Variants in CCDC126 observed in about 807,000 individuals in gnomAD.
The protein encoded by CCDC126 is coiled-coil domain containing 126.
In CCDC126, 5 loss-of-function variants were observed where a neutral mutation model predicts 11.7. That is an observed-to-expected ratio of 0.43 (90% CI 0.22 to 0.90). CCDC126 has a LOEUF of 0.90. Among genes scored for constraint, CCDC126 ranks in the 40% least tolerant of loss-of-function variants. The pLI, the probability that CCDC126 is intolerant of heterozygous loss-of-function variation, is 0.27. For synonymous variants in CCDC126, 60 were observed against 61.9 expected (o/e 0.97, Z 0.14); for missense variants, 150 against 163.1 (o/e 0.92, Z 0.44).
Position 23,611,251 on chromosome 7 carries a change from C to A in CCDC126, c.-65C>A. 1 of 927,346 alleles carries A rather than the reference C, an allele frequency of 1.1e-6. No homozygotes were observed. Among genetic ancestry groups the A allele is most frequent in the South Asian group, 1.5e-5 (1 of 67,824 alleles). 57.4% of individuals were successfully genotyped at this position (927,346 alleles called of 1,614,324 possible). A position where few individuals can be genotyped will look rare whatever the true frequency, so the allele number is the denominator to read the frequency against. ...TATTTTTTTCTTTTTTTTTTCAAGT[C>A]TTGATTTGTGGCTTACCTCAAGTTA... On this transcript the variant is annotated 5_prime_UTR_variant, in exon 3 of 4. Transcript: ENST00000307471.
intron 2 of CCDC126, among the ~76,000 whole-genome samples, chr7:23,610,877 CATT>C (rs1246528025): frequency 6.6e-6 from 1 of 151,900 alleles, no homozygotes; most frequent in East Asian, 1.9e-4. Context: ...CTATATATCT[CATT>C]ATAATATCCA....
At chr7:23,618,798 A>G (rs1217443919) in intron 3 of CCDC126, among the ~76,000 whole-genome samples, 1 of 151,822 alleles carries the variant, frequency 6.6e-6, no homozygotes, top group Non-Finnish European at 1.5e-5. Flanking sequence ...CATGTGATCC[A>G]CCTGCCTCCA....
At chr7:23,636,128 G>C (rs370061368) in intron 3 of CCDC126, among the ~76,000 whole-genome samples, 3 of 152,310 alleles carry the variant, frequency 2.0e-5, no homozygotes, top group South Asian at 4.1e-4. Context: ...GGCCTCCCTA[G>C]GTGCCGGGAT....
intron 3 of CCDC126, among the ~76,000 whole-genome samples, chr7:23,614,100 T>C (rs529782432): frequency 3.9e-5 from 6 of 152,342 alleles, no homozygotes; most frequent in African/African-American, 1.2e-4. Flanking sequence ...GTTTGCCACA[T>C]TGATGGACTC....
intron 3 of CCDC126, among the ~76,000 whole-genome samples, chr7:23,623,121 G>A (rs1408302945): frequency 6.7e-6 from 1 of 149,402 alleles, no homozygotes; most frequent in Non-Finnish European, 1.5e-5. Context: ...TTGCAGGCTC[G>A]CGCCACTATG....
At chr7:23,624,122 T>G (rs1782973552) in intron 3 of CCDC126, among the ~76,000 whole-genome samples, 1 of 152,344 alleles carries the variant, frequency 6.6e-6, no homozygotes, top group Admixed American at 6.5e-5. Context: ...TCAGTTACCA[T>G]TCAGCCCTGG....
intron 3 of CCDC126, among the ~76,000 whole-genome samples, chr7:23,613,688 T>A (rs1782752349): frequency 6.6e-6 from 1 of 152,216 alleles, no homozygotes; most frequent in Non-Finnish European, 1.5e-5. Context: ...TCAGTATTTA[T>A]ACTATTATGA....
At chr7:23,600,304 A>G (rs1782515077) in intron 2 of CCDC126, among the ~76,000 whole-genome samples, 1 of 150,776 alleles carries the variant, frequency 6.6e-6, no homozygotes, top group Non-Finnish European at 1.5e-5. Context: ...ATTTTAGTGT[A>G]GCTTCTCTCA....
At chr7:23,636,181 G>T (rs1783207234) in intron 3 of CCDC126, among the ~76,000 whole-genome samples, 1 of 152,212 alleles carries the variant, frequency 6.6e-6, no homozygotes, top group Non-Finnish European at 1.5e-5. Context: ...TGGTGCCCAG[G>T]CTGGAGTGCA....
At chr7:23,606,664 C>T (rs114446349) in intron 2 of CCDC126, among the ~76,000 whole-genome samples, 2,752 of 152,254 alleles carry the variant, frequency 0.018, 99 homozygotes, top group African/African-American at 0.063. Context: ...GCCATATAGA[C>T]TAATTACTTT....
At chr7:23,623,453 A>C (rs145082578) in intron 3 of CCDC126, among the ~76,000 whole-genome samples, 1 of 152,016 alleles carries the variant, frequency 6.6e-6, no homozygotes, top group Admixed American at 6.6e-5. Context: ...AAAGTTGGCC[A>C]GGTGTGGCGT....
At chr7:23,609,313 A>G (rs1782668967) in intron 2 of CCDC126, among the ~76,000 whole-genome samples, 1 of 151,728 alleles carries the variant, frequency 6.6e-6, no homozygotes, top group Non-Finnish European at 1.5e-5. Flanking sequence ...CCTCCCTAGT[A>G]GCTGGGATTA....
intron 2 of CCDC126, chr7:23,598,538 C>T (rs939264194): frequency 1.8e-4 from 28 of 152,160 alleles, no homozygotes; most frequent in African/African-American, 6.0e-4. Flanking sequence ...TTCACCTCTC[C>T]CCTCCCCCTC....
At chr7:23,622,537 G>T (rs554979567) in intron 3 of CCDC126, 1 of 523,630 alleles carries the variant, frequency 1.9e-6, no homozygotes, top group East Asian at 5.5e-5. Flanking sequence ...TGGACTGTCT[G>T]TATGCCAGGT....
At chr7:23,605,394 T>C (rs1656262831) in intron 2 of CCDC126, among the ~76,000 whole-genome samples, 1 of 131,476 alleles carries the variant, frequency 7.6e-6, no homozygotes, top group Non-Finnish European at 1.6e-5. Flanking sequence ...GAGAATGTGA[T>C]ATGCTTGTGT....
intron 3 of CCDC126, among the ~76,000 whole-genome samples, chr7:23,639,589 A>T (rs1783318196): frequency 6.6e-6 from 1 of 152,218 alleles, no homozygotes; most frequent in African/African-American, 2.4e-5. Context: ...ATTCCTGGGT[A>T]CTTCTTGCTG....
intron 3 of CCDC126, among the ~76,000 whole-genome samples, chr7:23,628,495 G>C (rs1783051554): frequency 6.6e-6 from 1 of 152,188 alleles, no homozygotes; most frequent in South Asian, 2.1e-4. Context: ...AAACATCACA[G>C]AAAAAAACTG....
intron 2 of CCDC126, among the ~76,000 whole-genome samples, chr7:23,601,350 A>C (rs1940993672): frequency 6.6e-6 from 1 of 152,232 alleles, no homozygotes; most frequent in South Asian, 2.1e-4. Context: ...TGGCCACTGC[A>C]TTCTAGCCTG....
chr7:23,613,857 T>C (rs1225103751), intron 3 of CCDC126, among the ~76,000 whole-genome samples: 2 of 152,218 alleles, frequency 1.3e-5, no homozygotes, highest in Non-Finnish European at 2.9e-5. Context: ...TACACTATAC[T>C]GTAATCTCTT....
Sources: gnomAD v4.1 joint callset for allele counts (sites outside exome capture counted in the v4.1 genomes callset) on GRCh38, gnomAD v4.1.1 for gene constraint, MANE v1.5 for transcripts, NCBI Gene and HGNC (gene_info 2026-07-23, HGNC 2026-07-21) for gene names.